METTL15: variants seen among roughly 807,000 people sequenced by gnomAD.
METTL15 encodes the protein 12S rRNA N(4)-cytidine methyltransferase METTL15.
METTL15 carries 34 observed loss-of-function variants against 38.3 expected under a neutral mutation model. The observed-to-expected ratio is 0.89, with a 90% CI of 0.68 to 1.18. METTL15 has a LOEUF of 1.18. METTL15 is among the 50% of genes most tolerant of loss of function. METTL15 has a pLI of 0.00. For missense variants in METTL15, 438 were observed against 498.4 expected (o/e 0.88, Z 1.15); for synonymous variants, 162 against 170.9 (o/e 0.95, Z 0.41).
intron 6 of METTL15, among the ~76,000 whole-genome samples, chr11:28,319,555 A>T (rs1477121994): frequency 6.6e-6 from 1 of 152,004 alleles, no homozygotes; most frequent in Non-Finnish European, 1.5e-5. Flanking sequence ...TGTGAACTTG[A>T]GAAGAGACAT....
chr11:28,327,328 T>TCGA (rs1359162651), intron 6 of METTL15, among the ~76,000 whole-genome samples: 1 of 152,226 alleles, frequency 6.6e-6, no homozygotes, highest in Non-Finnish European at 1.5e-5. Flanking sequence ...CCTATTATCT[T>TCGA]TAAGACCATC....
At chr11:28,301,025 A>G (rs1856895025) in intron 6 of METTL15, among the ~76,000 whole-genome samples, 2 of 152,136 alleles carry the variant, frequency 1.3e-5, no homozygotes, top group South Asian at 4.1e-4. Context: ...AGTTCCATAA[A>G]TATAATACAG....
intron 6 of METTL15, among the ~76,000 whole-genome samples, chr11:28,432,486 A>G (rs1316588962): frequency 1.3e-5 from 2 of 152,182 alleles, no homozygotes; most frequent in African/African-American, 4.8e-5. Flanking sequence ...AATATTGTCC[A>G]TTGAAGGCAA....
chr11:28,437,433 G>C (rs1309254923), intron 6 of METTL15, among the ~76,000 whole-genome samples: 1 of 152,156 alleles, frequency 6.6e-6, no homozygotes, highest in Non-Finnish European at 1.5e-5. Flanking sequence ...CACATATAGG[G>C]ATGCAACATG....
rs115735730 is a variant in METTL15, at chr11:28,434,821, A to G, written c.*424+10457A>G. Among the ~76,000 whole-genome samples, 525 of 152,308 alleles carry G rather than the reference A, an allele frequency of 3.4e-3. 2 individuals carry two copies. Among genetic ancestry groups the G allele is most frequent in the African/African-American group, 0.012 (514 of 41,560 alleles). On this transcript the variant is annotated intron_variant and NMD_transcript_variant, in intron 6 of 7. Coordinates refer to the METTL15 transcript ENST00000532947. Reference sequence around the variant, plus strand: ...TTGACTAGGGATGGTTTAGTCTAGTATAGGTTCAGCTAGAACAACTTGGCT... The same window carrying G: ...TTGACTAGGGATGGTTTAGTCTAGTGTAGGTTCAGCTAGAACAACTTGGCT...
chr11:28,528,342 T>G (rs957644909), downstream of METTL15, among the ~76,000 whole-genome samples: 2 of 152,200 alleles, frequency 1.3e-5, no homozygotes, highest in African/African-American at 2.4e-5. Context: ...TCCCTAATAC[T>G]AAGCAATTAT....
chr11:28,120,940 C>T (rs974028173), intron 3 of METTL15, among the ~76,000 whole-genome samples: 1 of 152,118 alleles, frequency 6.6e-6, no homozygotes, highest in South Asian at 2.1e-4. Flanking sequence ...CATGAGCTGT[C>T]TCAACACAGG....
In METTL15 at chr11:28,391,660, G is replaced by A. The variant is rs144291058; in HGVS notation, c.*358+29624G>A. 3.6e-3 allele frequency among the ~76,000 whole-genome samples: 548 copies of A among 152,092 alleles called. 3 individuals carry two copies. The highest frequency in any genetic ancestry group is 5.7e-3 in the Non-Finnish European group (387 of 67,962). ...GAACAGAGCCCTCGGAAATAACACC[G>A]CTTATCTACAACTATCTGATCTTTG... is the stretch of plus-strand genomic sequence containing the variant. On this transcript the variant is annotated intron_variant and NMD_transcript_variant, in intron 5 of 7. Coordinates refer to the METTL15 transcript ENST00000532947.
At chr11:28,358,576 A>G (rs111373798) in intron 4 of METTL15, among the ~76,000 whole-genome samples, 1,634 of 152,246 alleles carry the variant, frequency 0.011, 12 homozygotes, top group Middle Eastern at 0.027. Context: ...AAACCTTCCT[A>G]TTGCTCTTTG....
chr11:28,229,024 C>T (rs988604081), intron 4 of METTL15, among the ~76,000 whole-genome samples: 5 of 151,790 alleles, frequency 3.3e-5, no homozygotes, highest in Non-Finnish European at 5.9e-5. Context: ...AGGTCAATGA[C>T]TTAATCTTTC....
chr11:28,514,757 G>A (rs1016818277), intron 6 of METTL15, among the ~76,000 whole-genome samples: 4 of 152,188 alleles, frequency 2.6e-5, no homozygotes, highest in African/African-American at 9.7e-5. Flanking sequence ...CCTAGGCTGA[G>A]ATAGCTTTGT....
At position 28,300,421 on chromosome 11, in the gene METTL15, A is replaced by G. The variant is rs377347903; in HGVS notation, c.778+3490A>G. ...ACACACTTGGAATCACACGCTCAGT[A>G]GGATCCTGTAAGTCACGTGATTAAG... is the stretch of plus-strand genomic sequence containing the variant. On this transcript the variant is annotated intron_variant, in intron 6 of 6. Coordinates refer to ENST00000407364, the MANE Select transcript of METTL15 (RefSeq NM_001113528.2). Among the ~76,000 whole-genome samples the G allele has an allele frequency of 2.6e-5, 4 of 152,178 alleles. No homozygotes were observed. The South Asian group carries it at 8.3e-4, about 31-fold the overall frequency.
chr11:28,220,071 T>C (rs1461264298), intron 4 of METTL15, among the ~76,000 whole-genome samples: 4 of 152,226 alleles, frequency 2.6e-5, no homozygotes, highest in Non-Finnish European at 5.9e-5. Flanking sequence ...TAGATGTCTG[T>C]TAGGTCCGCT....
chr11:28,417,860 A>G (rs1287119045), intron 5 of METTL15, among the ~76,000 whole-genome samples: 2 of 152,216 alleles, frequency 1.3e-5, no homozygotes, highest in Non-Finnish European at 2.9e-5. Context: ...CAAAGTTCAT[A>G]TGTATAAAAA....
intron 4 of METTL15, among the ~76,000 whole-genome samples, chr11:28,277,603 CAGG>C (rs1276419782): frequency 1.3e-5 from 2 of 151,924 alleles, no homozygotes; most frequent in African/African-American, 4.8e-5. Flanking sequence ...GAGGCTGAGG[CAGG>C]AGAATTGCTT....
rs112190087 is a variant in METTL15 at position 28,407,983 on chromosome 11, G to T, written c.*359-16316G>T. Among the ~76,000 whole-genome samples, 313 of 152,232 alleles carry T rather than the reference G, an allele frequency of 2.1e-3. 1 individual carries two copies. The highest frequency in any genetic ancestry group is 6.8e-3 in the Middle Eastern group (2 of 294). ...TGGAATACTGTGCAGCCATAAGAAG[G>T]AACAAGATTGTGGCCTTTGCAGGGA... is the stretch of plus-strand genomic sequence containing the variant. On this transcript the variant is annotated intron_variant and NMD_transcript_variant, in intron 5 of 7. Coordinates refer to the METTL15 transcript ENST00000532947.
chr11:28,177,016 A>T (rs909097204), intron 3 of METTL15, among the ~76,000 whole-genome samples: 15 of 152,052 alleles, frequency 9.9e-5, no homozygotes, highest in African/African-American at 2.7e-4. Context: ...TATAAATATA[A>T]TAATTCTTAG....
At chr11:28,382,830 C>T (rs1159184573) in intron 5 of METTL15, among the ~76,000 whole-genome samples, 7 of 149,432 alleles carry the variant, frequency 4.7e-5, no homozygotes, top group East Asian at 2.0e-4. Context: ...AGTGAAACTC[C>T]GTCTCAAAAA....
chr11:28,386,437 A>AG (rs1850441842), intron 5 of METTL15, among the ~76,000 whole-genome samples: 2 of 151,926 alleles, frequency 1.3e-5, no homozygotes, highest in African/African-American at 4.8e-5. Flanking sequence ...TACTTACATC[A>AG]GAAAAAAAAT....
Sources: gnomAD v4.1 joint callset for allele counts (sites outside exome capture counted in the v4.1 genomes callset) on GRCh38, gnomAD v4.1.1 for gene constraint, MANE v1.5 for transcripts, NCBI Gene and HGNC (gene_info 2026-07-23, HGNC 2026-07-21) for gene names.